The following AKAP10 variants were observed in gnomAD, a reference collection of about 807,000 sequenced individuals.
AKAP10 encodes the protein A-kinase anchoring protein 10.
In AKAP10, 24 loss-of-function variants were observed where a neutral mutation model predicts 80.8. That is an observed-to-expected ratio of 0.30 (90% CI 0.22 to 0.42). AKAP10 has a LOEUF of 0.42. Ranked by LOEUF, AKAP10 falls within the 10% of genes least tolerant of loss-of-function variation. AKAP10 has a pLI of 1.00. For synonymous variants in AKAP10, 291 were observed against 277.7 expected (o/e 1.05, Z -0.48); for missense variants, 661 against 794.9 (o/e 0.83, Z 2.03).
chr17:19,963,909 A>C (rs1262983243), intron 2 of AKAP10, among the ~76,000 whole-genome samples: 1 of 151,938 alleles, frequency 6.6e-6, no homozygotes, highest in Non-Finnish European at 1.5e-5. Flanking sequence ...AAAAAAAAAC[A>C]AAAAAAGATA....
At position 19,924,487 on chromosome 17, in the gene AKAP10, G is replaced by A. The variant is rs375162074; in HGVS notation, c.1672C>T (p.Leu558=). The A allele has an allele frequency of 4.4e-5, 70 of 1,606,528 alleles. No individual in the cohort carries two copies. The East Asian group carries it at 6.7e-4, about 15-fold the overall frequency. ...ATTATCGCTTCATCAAAATTTTTCA[G>A]TATTTTAATACTGGCTTTTTTCACA... is the stretch of plus-strand genomic sequence containing the variant. The part of the protein sequence containing the change: ...SSVKKASIKI[L]KNFDEAIIVD... The change falls in exon 11 of 15, where the codon CTG becomes TTG. Residue 558 remains leucine, a synonymous_variant. Transcript: ENST00000225737.
intron 4 of AKAP10, among the ~76,000 whole-genome samples, chr17:19,952,482 A>G (rs1286651918): frequency 6.6e-6 from 1 of 151,550 alleles, no homozygotes; most frequent in Non-Finnish European, 1.5e-5. Flanking sequence ...AAATAAATAA[A>G]TAAATAAATA....
In AKAP10 at chr17:19,958,294, TAAA is replaced by T. The variant is rs758909243; in HGVS notation, c.594_596del (p.Phe198del). ...CCAATCTCTTATCAAGAGAATCAGT[TAAA>T]AAAGACGCTGTAGTTTCATGCTTTT... On this transcript the variant is annotated inframe_deletion, in exon 4 of 15. Coordinates refer to ENST00000225737, the MANE Select transcript of AKAP10 (RefSeq NM_007202.4). 2.8e-5 allele frequency: 45 copies of T among 1,614,156 alleles called. No homozygotes were observed. Among genetic ancestry groups the T allele is most frequent in the Non-Finnish European group, 3.8e-5 (45 of 1,180,014 alleles).
rs1054478848 is a variant in AKAP10 at position 19,905,253 on chromosome 17, G to A, written c.*974C>T. 5 of 151,534 alleles carry A rather than the reference G, an allele frequency of 3.3e-5. No individual in the cohort carries two copies. Among genetic ancestry groups the A allele is most frequent in the East Asian group, 1.9e-4 (1 of 5,186 alleles). 9.4% of individuals were successfully genotyped at this position (151,534 alleles called of 1,614,324 possible). A position where few individuals can be genotyped will look rare whatever the true frequency, so the allele number is the denominator to read the frequency against. Reference sequence around the variant, plus strand: ...ATCCTAAAGAAAGGAGAAGAAAGACGACCAACTGCACACTTTCCAGCTCAC... The same window carrying A: ...ATCCTAAAGAAAGGAGAAGAAAGACAACCAACTGCACACTTTCCAGCTCAC... On this transcript the variant is annotated 3_prime_UTR_variant, in exon 15 of 15. Coordinates refer to ENST00000225737, the MANE Select transcript of AKAP10 (RefSeq NM_007202.4).
chr17:19,911,690 C>T (rs1000451151), intron 12 of AKAP10, among the ~76,000 whole-genome samples: 6 of 151,386 alleles, frequency 4.0e-5, no homozygotes, highest in African/African-American at 1.5e-4. Context: ...ACAAAATTAG[C>T]CAGGCGTGGT....
intron 7 of AKAP10, among the ~76,000 whole-genome samples, chr17:19,940,131 T>G (rs2043037061): frequency 6.6e-6 from 1 of 152,244 alleles, no homozygotes; most frequent in Non-Finnish European, 1.5e-5. Flanking sequence ...ACTGGATTTG[T>G]GGTTCCTTGC....
chr17:19,977,652 G>A lies in AKAP10; in HGVS notation c.28C>T (p.Gln10Ter). 3 of 1,235,366 alleles carry A rather than the reference G, an allele frequency of 2.4e-6. No individual in the cohort carries two copies. The highest frequency in any genetic ancestry group is 3.0e-6 in the Non-Finnish European group (3 of 987,830). 76.5% of individuals were successfully genotyped at this position (1,235,366 alleles called of 1,614,324 possible). A position where few individuals can be genotyped will look rare whatever the true frequency, so the allele number is the denominator to read the frequency against. ...TCGGGACGGAGGGTGCGGGGGGACTGGCGCGGGGAGGGCCCGGCTCCCCTC... is the reference window on the plus strand; with the variant it reads ...TCGGGACGGAGGGTGCGGGGGGACTAGCGCGGGGAGGGCCCGGCTCCCCTC... MRGAGPSPR[Q>*]SPRTLRPDPG... The change falls in exon 1 of 15, where the codon CAG becomes TAG. Residue 10 changes from glutamine (Q) to a stop codon, truncating the protein, a stop_gained. Transcript: ENST00000225737. LOFTEE classifies it high-confidence loss of function.
At chr17:19,964,226 G>A (rs1024642594) in intron 2 of AKAP10, among the ~76,000 whole-genome samples, 5 of 152,170 alleles carry the variant, frequency 3.3e-5, no homozygotes, top group Admixed American at 6.5e-5. Context: ...TTAATTAGAT[G>A]TATATAATGT....
chr17:19,936,581 CCTTT>C (rs1182128444), intron 8 of AKAP10, 151 bp from the exon 9 acceptor site: 3 of 758,798 alleles, frequency 4.0e-6, no homozygotes, highest in Non-Finnish European at 6.0e-6. Context: ...GCTGATGTAA[CCTTT>C]CTTTGTTCCC....
chr17:19,923,875 T>G (rs1370912991), intron 11 of AKAP10, among the ~76,000 whole-genome samples: 1 of 152,190 alleles, frequency 6.6e-6, no homozygotes, highest in East Asian at 1.9e-4. Context: ...GAAATCCCTT[T>G]TTCATGGTGC....
intron 2 of AKAP10, among the ~76,000 whole-genome samples, chr17:19,964,649 T>G (rs1567776241): frequency 6.6e-6 from 1 of 151,740 alleles, no homozygotes; most frequent in Non-Finnish European, 1.5e-5. Context: ...CCCAGAACTT[T>G]TGGAGGCTGA....
chr17:19,956,788 T>C (rs193051491), intron 4 of AKAP10, among the ~76,000 whole-genome samples: 22 of 151,364 alleles, frequency 1.5e-4, no homozygotes, highest in African/African-American at 4.8e-4. Context: ...GTGGGTCACT[T>C]GAGGTCAGGA....
At chr17:19,908,101 G>T (rs1224003844) in intron 14 of AKAP10, among the ~76,000 whole-genome samples, 1 of 149,990 alleles carries the variant, frequency 6.7e-6, no homozygotes. Context: ...CTGACCTCAG[G>T]TCATCTACCT....
chr17:19,938,483 T>C (rs2043017464), intron 8 of AKAP10, among the ~76,000 whole-genome samples: 2 of 152,008 alleles, frequency 1.3e-5, no homozygotes, highest in African/African-American at 4.8e-5. Flanking sequence ...GTAATCCGCC[T>C]GCCTCAGCCT....
At chr17:19,972,724 G>C (rs537306806) in intron 1 of AKAP10, among the ~76,000 whole-genome samples, 192 of 152,256 alleles carry the variant, frequency 1.3e-3, no homozygotes, top group African/African-American at 4.6e-3. Flanking sequence ...CAAAGTACTG[G>C]TATTACAGGC....
At chr17:19,935,009 C>CTCAATCAATCAA (rs369344588) in intron 9 of AKAP10, among the ~76,000 whole-genome samples, 23 of 151,708 alleles carry the variant, frequency 1.5e-4, no homozygotes, top group Admixed American at 1.5e-3. Context: ...GAAACTCTGT[C>CTCAATCAATCAA]TCAATCAATC....
At position 19,925,200 on chromosome 17, in the gene AKAP10, G is replaced by A. The variant is rs78205336; in HGVS notation, c.1642-683C>T. On this transcript the variant is annotated intron_variant, in intron 10 of 14. Transcript: ENST00000225737. ...AATAAAATAAAATAAAATGTATAAT[G>A]TATGAATTTATAAGACATTCTTAAC... Among the ~76,000 whole-genome samples, 405 of 152,140 alleles carry A rather than the reference G, an allele frequency of 2.7e-3. 15 individuals carry two copies. In the East Asian group the frequency reaches 0.074, roughly 28 times the overall value.
rs1415017206 is a variant in AKAP10 at position 19,936,185 on chromosome 17, A to C, written c.1467+101T>G. The stretch of plus-strand genomic sequence containing the variant: ...CTTAATCACTTTGCTGGACTGCTTC[A>C]ATTTCCACTGTGCTATTCTGCTTGG... On this transcript the variant is annotated intron_variant, in intron 9 of 14. Transcript: ENST00000225737. 3.7e-6 allele frequency: 5 copies of C among 1,356,128 alleles called. No homozygotes were observed. In the South Asian group the frequency reaches 6.0e-5, roughly 16 times the overall value. The allele number at this position is 1,356,128 out of a possible 1,614,324, so 84.0% of individuals were successfully genotyped here.
chr17:19,946,886 A>C (rs2043139000), intron 5 of AKAP10, among the ~76,000 whole-genome samples: 3 of 152,064 alleles, frequency 2.0e-5, no homozygotes, highest in Non-Finnish European at 4.4e-5. Context: ...GTGCCCAGGG[A>C]CGTCAGGCCC....
Sources: gnomAD v4.1 joint callset for allele counts (sites outside exome capture counted in the v4.1 genomes callset) on GRCh38, gnomAD v4.1.1 for gene constraint, MANE v1.5 for transcripts, NCBI Gene and HGNC (gene_info 2026-07-23, HGNC 2026-07-21) for gene names.